The following ZMYM4 variants were observed in gnomAD, a reference collection of about 807,000 sequenced individuals.
ZMYM4 encodes zinc finger MYM-type protein 4.
A neutral mutation model predicts 183.2 loss-of-function variants in ZMYM4; 31 were observed. The observed-to-expected ratio is 0.17, with a 90% CI of 0.13 to 0.23. The LOEUF (loss-of-function observed/expected upper bound fraction) is 0.23, where lower values mean the gene tolerates loss of function less well. ZMYM4 is among the 10% of genes least tolerant of loss of function. The pLI, the probability that ZMYM4 is intolerant of heterozygous loss-of-function variation, is 1.00. For synonymous variants in ZMYM4, 592 were observed against 631.2 expected (o/e 0.94, Z 0.93); for missense variants, 1,273 against 1,840.3 (o/e 0.69, Z 5.64).
chr1:35,384,210 A>G (rs893490246), intron 9 of ZMYM4, among the ~76,000 whole-genome samples: 2 of 152,210 alleles, frequency 1.3e-5, no homozygotes, highest in African/African-American at 2.4e-5. Flanking sequence ...AGATGAGACT[A>G]TCAGCAGAAG....
At chr1:35,279,373 G>GTTCT (rs1640030576) in intron 1 of ZMYM4, among the ~76,000 whole-genome samples, 1 of 152,088 alleles carries the variant, frequency 6.6e-6, no homozygotes, top group South Asian at 2.1e-4. Context: ...TTAGACGAGA[G>GTTCT]GATTCTTCAC....
At chr1:35,305,226 G>A (rs1641480673) in intron 1 of ZMYM4, among the ~76,000 whole-genome samples, 1 of 152,154 alleles carries the variant, frequency 6.6e-6, no homozygotes, top group Admixed American at 6.5e-5. Context: ...TTGGTTGGTA[G>A]GGCTGTAAAA....
intron 1 of ZMYM4, among the ~76,000 whole-genome samples, chr1:35,275,452 C>T (rs1265436601): frequency 6.6e-6 from 1 of 152,140 alleles, no homozygotes; most frequent in Non-Finnish European, 1.5e-5. Context: ...TGGTCTTGAA[C>T]TCCTGACCTC....
At chr1:35,371,202 G>T (rs1051120064) in intron 7 of ZMYM4, among the ~76,000 whole-genome samples, 3 of 149,896 alleles carry the variant, frequency 2.0e-5, no homozygotes, top group Non-Finnish European at 3.0e-5. Context: ...TGCAAGCTCC[G>T]CCTCCCGGGT....
chr1:35,287,069 GCCCTTC>G (rs1043695497), intron 1 of ZMYM4, among the ~76,000 whole-genome samples: 2 of 151,664 alleles, frequency 1.3e-5, no homozygotes, highest in African/African-American at 4.8e-5. Flanking sequence ...TATTTCTGTT[GCCCTTC>G]CTTCCTCGAC....
intron 2 of ZMYM4, among the ~76,000 whole-genome samples, chr1:35,345,493 C>T (rs988187273): frequency 6.6e-6 from 1 of 151,920 alleles, no homozygotes; most frequent in African/African-American, 2.4e-5. Context: ...ACTCCTGTTG[C>T]CCAGGCTCTA....
intron 7 of ZMYM4, among the ~76,000 whole-genome samples, chr1:35,374,440 C>A (rs1644290432): frequency 1.3e-5 from 2 of 151,786 alleles, no homozygotes; most frequent in Non-Finnish European, 2.9e-5. Flanking sequence ...CTTCATGTTT[C>A]TTTATTTAAT....
At chr1:35,279,882 C>T (rs1399943146) in intron 1 of ZMYM4, among the ~76,000 whole-genome samples, 1 of 152,158 alleles carries the variant, frequency 6.6e-6, no homozygotes, top group Non-Finnish European at 1.5e-5. Flanking sequence ...CCAAAATGTT[C>T]ACAATTCTGT....
At chr1:35,295,933 C>T (rs1282678073) in intron 1 of ZMYM4, 4 of 152,170 alleles carry the variant, frequency 2.6e-5, no homozygotes, top group Non-Finnish European at 2.9e-5. Context: ...CTAGGAACAT[C>T]GTGATCAATT....
At chr1:35,406,411 G>A (rs760162414) in intron 25 of ZMYM4, among the ~76,000 whole-genome samples, 1 of 152,110 alleles carries the variant, frequency 6.6e-6, no homozygotes, top group Non-Finnish European at 1.5e-5. Flanking sequence ...TCCCAGCACT[G>A]TAGAAGGCTG....
chr1:35,412,947 C>A (rs1639972845), intron 26 of ZMYM4, among the ~76,000 whole-genome samples: 1 of 152,060 alleles, frequency 6.6e-6, no homozygotes, highest in Admixed American at 6.6e-5. Context: ...ACCTTAAAAA[C>A]ACCAAAATAC....
intron 1 of ZMYM4, among the ~76,000 whole-genome samples, chr1:35,297,561 C>T (rs1275299949): frequency 3.3e-5 from 5 of 152,004 alleles, no homozygotes; most frequent in African/African-American, 7.2e-5. Context: ...GCTGACTTAA[C>T]GGACCTGAAC....
chr1:35,404,922 C>G (rs967048474), intron 23 of ZMYM4, 101 bp from the exon 24 acceptor site: 2 of 1,207,192 alleles, frequency 1.7e-6, no homozygotes, highest in South Asian at 2.0e-5. Flanking sequence ...AAACTAAATT[C>G]TTTATTCTAC....
At chr1:35,329,744 G>A (rs935942375) in intron 2 of ZMYM4, among the ~76,000 whole-genome samples, 1 of 152,118 alleles carries the variant, frequency 6.6e-6, no homozygotes, top group African/African-American at 2.4e-5. Flanking sequence ...AACTGAGGCA[G>A]GGTCTTGCTA....
In ZMYM4 at chr1:35,369,500, G is replaced by A. The variant is rs375436602; in HGVS notation, c.841-529G>A. ...GAGTAATATATACTAATATACAAAC[G>A]TTCAAATGATTCAAATGAGCAAAAA... On this transcript the variant is annotated intron_variant, in intron 5 of 29. Coordinates refer to ENST00000314607, the MANE Select transcript of ZMYM4 (RefSeq NM_005095.3). 7.9e-5 allele frequency among the ~76,000 whole-genome samples: 12 copies of A among 152,040 alleles called. No individual in the cohort carries two copies. In the East Asian group the frequency reaches 9.7e-4, roughly 12 times the overall value.
chr1:35,278,426 G>GT (rs35594581), intron 1 of ZMYM4, among the ~76,000 whole-genome samples: 2,508 of 124,564 alleles, frequency 0.02, 20 homozygotes, highest in Non-Finnish European at 0.025. Context: ...CATGAACTCT[G>GT]TTTTTTTTTT....
chr1:35,401,588 A>G (rs967898978), intron 23 of ZMYM4, among the ~76,000 whole-genome samples: 2 of 151,980 alleles, frequency 1.3e-5, no homozygotes, highest in Non-Finnish European at 2.9e-5. Flanking sequence ...TTATTTTCTT[A>G]ATGATGAGTA....
intron 17 of ZMYM4, among the ~76,000 whole-genome samples, chr1:35,393,062 C>A (rs1644740293): frequency 6.6e-6 from 1 of 152,050 alleles, no homozygotes; most frequent in African/African-American, 2.4e-5. Context: ...AAAAAAAATT[C>A]TTTTTTTAAC....
chr1:35,309,146 T>C, intron 1 of ZMYM4: 1 of 671,450 alleles, frequency 1.5e-6, no homozygotes. Context: ...TGAAACAAGA[T>C]GACTTAACTG....
Sources: gnomAD v4.1 joint callset for allele counts (sites outside exome capture counted in the v4.1 genomes callset) on GRCh38, gnomAD v4.1.1 for gene constraint, MANE v1.5 for transcripts, NCBI Gene and HGNC (gene_info 2026-07-23, HGNC 2026-07-21) for gene names.